The following DLC1 variants were observed in gnomAD, a reference collection of about 807,000 sequenced individuals.
DLC1 encodes the protein DLC1 Rho GTPase activating protein, also known as rho GTPase-activating protein 7.
A neutral mutation model predicts 140.3 loss-of-function variants in DLC1; 54 were observed. The ratio of observed to expected loss-of-function variants is 0.38; its 90% confidence interval spans 0.31 to 0.48. The LOEUF (loss-of-function observed/expected upper bound fraction) is 0.48. DLC1 is among the 20% of genes least tolerant of loss of function. The pLI is 0.96. For missense variants in DLC1, 2,536 were observed against 1,907.0 expected (o/e 1.33, Z -6.14); for synonymous variants, 986 against 728.1 (o/e 1.35, Z -5.70).
intron 1 of DLC1, among the ~76,000 whole-genome samples, chr8:13,554,475 C>A (rs1246503367): frequency 2.6e-5 from 4 of 152,078 alleles, no homozygotes; most frequent in Non-Finnish European, 4.4e-5. Flanking sequence ...TGTTTAAAAG[C>A]CATCTCAGAG....
At chr8:13,217,141 T>G (rs1384721201) in intron 5 of DLC1, among the ~76,000 whole-genome samples, 3 of 152,240 alleles carry the variant, frequency 2.0e-5, no homozygotes, top group South Asian at 4.1e-4. Context: ...GTTCTAAAAT[T>G]TAAAGAAATG....
At chr8:13,188,877 G>T (rs1280745913) in intron 5 of DLC1, among the ~76,000 whole-genome samples, 1 of 115,152 alleles carries the variant, frequency 8.7e-6, no homozygotes, top group Non-Finnish European at 1.8e-5. Context: ...TTTTAGTGGA[G>T]ATGAAGTTTC....
At chr8:13,312,222 G>T (rs1017383918) in intron 4 of DLC1, among the ~76,000 whole-genome samples, 1 of 138,154 alleles carries the variant, frequency 7.2e-6, no homozygotes, top group African/African-American at 2.7e-5. Flanking sequence ...TTAGCCGGGC[G>T]TGGTAGCGGG....
chr8:13,562,088 C>T (rs1790353852), intron 1 of DLC1, among the ~76,000 whole-genome samples: 1 of 151,946 alleles, frequency 6.6e-6, no homozygotes, highest in South Asian at 2.1e-4. Flanking sequence ...GTGGTGGTTA[C>T]AGAACCCATA....
intron 2 of DLC1, among the ~76,000 whole-genome samples, chr8:13,422,211 C>G (rs1838347957): frequency 6.6e-6 from 1 of 152,010 alleles, no homozygotes; most frequent in African/African-American, 2.4e-5. Context: ...GAGGTTTAAA[C>G]TAATACCTCA....
At chr8:13,210,583 C>G (rs1018282812) in intron 5 of DLC1, among the ~76,000 whole-genome samples, 5 of 152,160 alleles carry the variant, frequency 3.3e-5, no homozygotes, top group African/African-American at 1.2e-4. Flanking sequence ...ATTGAAAATT[C>G]ATTTACTACA....
At chr8:13,179,527 C>G (rs530324388) in intron 5 of DLC1, among the ~76,000 whole-genome samples, 30 of 152,024 alleles carry the variant, frequency 2.0e-4, no homozygotes, top group African/African-American at 7.0e-4. Context: ...TTGAGACCAG[C>G]CTGGGTAATG....
chr8:13,120,356 A>AATATATATATATATATATATAT (rs1554577907), intron 5 of DLC1, among the ~76,000 whole-genome samples: 2 of 61,126 alleles, frequency 3.3e-5, no homozygotes, highest in Non-Finnish European at 3.8e-5. Context: ...AAAAAAAAAA[A>AATATATATATATATATATATAT]ATATATATAT....
At chr8:13,511,316 C>G (rs7006375) in intron 1 of DLC1, among the ~76,000 whole-genome samples, 11,939 of 53,662 alleles carry the variant, frequency 0.22, 681 homozygotes, top group South Asian at 0.44. Context: ...TTTACATTAT[C>G]TTTCACCTTT....
Position 13,393,661 on chromosome 8 carries a change from A to T in DLC1, c.1206T>A (p.Asp402Glu), listed in dbSNP as rs373786704. The change falls in exon 4 of 18, where the codon GAT becomes GAA. Residue 402 changes from aspartate to glutamate, a missense_variant. Asp to Glu is a conservative substitution (Grantham distance 45). Coordinates refer to ENST00000276297, the MANE Select transcript of DLC1 (RefSeq NM_182643.3). ...DLESGSESGA[D>E]TISVNQTRVN... ...CTCGTGTCTGATTTACTGAAATGGT[A>T]TCTGCTCCACTTTCAGATCCTGATT... The T allele has an allele frequency of 3.1e-6, 5 of 1,613,976 alleles. No homozygotes were observed. The highest frequency in any genetic ancestry group is 2.2e-5 in the East Asian group (1 of 44,878).
intron 5 of DLC1, among the ~76,000 whole-genome samples, chr8:13,209,269 T>G (rs1362694242): frequency 1.3e-5 from 2 of 152,154 alleles, no homozygotes; most frequent in Non-Finnish European, 2.9e-5. Flanking sequence ...CTATAAAGAC[T>G]CATCTCAAGA....
chr8:13,203,552 C>G (rs962744253), intron 5 of DLC1, among the ~76,000 whole-genome samples: 2 of 152,126 alleles, frequency 1.3e-5, no homozygotes, highest in African/African-American at 4.8e-5. Context: ...GCAATCCTGT[C>G]TGAACTATGC....
At chr8:13,261,631 G>A (rs1457592423) in intron 5 of DLC1, among the ~76,000 whole-genome samples, 1 of 152,150 alleles carries the variant, frequency 6.6e-6, no homozygotes, top group Non-Finnish European at 1.5e-5. Context: ...GGCCCAGGGT[G>A]GTGGCAGTGA....
At chr8:13,278,778 G>A (rs1278565067) in intron 5 of DLC1, among the ~76,000 whole-genome samples, 1 of 152,166 alleles carries the variant, frequency 6.6e-6, no homozygotes, top group Non-Finnish European at 1.5e-5. Context: ...AAGGGGAGCA[G>A]TAAAGGGAAA....
Position 13,237,197 on chromosome 8 carries a change from ATGTG to A in DLC1, c.1348+68068_1348+68071del, listed in dbSNP as rs376660880. ...GGAGGATGTGTGTATATATATATAT[ATGTG>A]TGTGTGTGTGTGTGTGTGTGTGTAT... On this transcript the variant is annotated intron_variant, in intron 5 of 17. Transcript: ENST00000276297. Among the ~76,000 whole-genome samples the A allele has an allele frequency of 5.0e-3, 695 of 138,200 alleles. 8 individuals are homozygous for A. The highest frequency in any genetic ancestry group is 0.017 in the African/African-American group (622 of 37,216). The allele number at this position is 138,200 out of a possible 152,430, so 90.7% of individuals were successfully genotyped here. A position where few individuals can be genotyped will look rare whatever the true frequency, so the allele number is the denominator to read the frequency against.
chr8:13,152,941 T>C (rs977033989), intron 5 of DLC1, among the ~76,000 whole-genome samples: 1 of 152,188 alleles, frequency 6.6e-6, no homozygotes, highest in African/African-American at 2.4e-5. Flanking sequence ...TTAATGAAAC[T>C]TTGTAACTAC....
In DLC1 at chr8:13,401,593, C is replaced by A. The variant is rs147228489; in HGVS notation, c.1050G>T (p.Ala350=). The change falls in exon 3 of 18, where the codon GCG becomes GCT. Residue 350 remains alanine (A), a synonymous_variant. Transcript: ENST00000276297. ...TCAGCAGCACCATGGAGTCCAGCCG[C>A]GCCCTATCTCGATCTTCTCTTATTT... ...RKEIREDRDR[A]RLDSMVLLIM... is the part of the protein sequence containing the mutation. The A allele has an allele frequency of 1.2e-6, 2 of 1,613,614 alleles. No individual in the cohort carries two copies. Among genetic ancestry groups the A allele is most frequent in the Non-Finnish European group, 1.7e-6 (2 of 1,179,854 alleles).
At chr8:13,212,318 G>T (rs1274762573) in intron 5 of DLC1, among the ~76,000 whole-genome samples, 1 of 152,080 alleles carries the variant, frequency 6.6e-6, no homozygotes, top group Non-Finnish European at 1.5e-5. Flanking sequence ...GTCCATGTGT[G>T]CGTACACATT....
chr8:13,260,887 T>G (rs1830446581), intron 5 of DLC1, among the ~76,000 whole-genome samples: 1 of 152,348 alleles, frequency 6.6e-6, no homozygotes, highest in Non-Finnish European at 1.5e-5. Context: ...AATATCTATT[T>G]TATCTTTTAG....
Sources: gnomAD v4.1 joint callset for allele counts (sites outside exome capture counted in the v4.1 genomes callset) on GRCh38, gnomAD v4.1.1 for gene constraint, MANE v1.5 for transcripts, NCBI Gene and HGNC (gene_info 2026-07-23, HGNC 2026-07-21) for gene names.